CSTL1: variants seen among roughly 807,000 people sequenced by gnomAD.
CSTL1 encodes cystatin-like 1.
CSTL1 carries 14 observed loss-of-function variants against 14.4 expected under a neutral mutation model. That is an observed-to-expected ratio of 0.97 (90% CI 0.64 to 1.52). The LOEUF (loss-of-function observed/expected upper bound fraction) is 1.52, where lower values mean the gene tolerates loss of function less well. Among genes scored for constraint, CSTL1 ranks in the 40% most tolerant of loss-of-function variants. CSTL1 has a pLI of 0.00. For missense variants in CSTL1, 170 were observed against 168.7 expected (o/e 1.01, Z -0.04); for synonymous variants, 72 against 67.5 (o/e 1.07, Z -0.33).
rs1242537820 is a variant in CSTL1 at position 23,444,799 on chromosome 20, C to A, written c.359C>A (p.Thr120Asn). 6.2e-7 allele frequency: 1 copy of A among 1,613,396 alleles called. No individual in the cohort carries two copies. Among genetic ancestry groups the A allele is most frequent in the East Asian group, 2.2e-5 (1 of 44,890 alleles). ...KSLICESLIY[T>N]MPWINYFQLW... ...TTAATTTGCGAGTCTTTGATATACA[C>A]CATGCCCTGGATAAACTATTTCCAG... is the stretch of plus-strand genomic sequence containing the variant. Residue 120 changes from threonine to asparagine, a missense_variant, in exon 4 of 4, where the codon ACC (threonine) becomes AAC (asparagine). Thr to Asn is a moderately conservative substitution (Grantham distance 65). Coordinates refer to ENST00000347397, the MANE Select transcript of CSTL1 (RefSeq NM_138283.1).
At chr20:23,456,983 C>A in the CSTL1 span, among the ~76,000 whole-genome samples, 3 of 152,202 alleles carry the variant, frequency 2.0e-5, no homozygotes, top group African/African-American at 7.2e-5. Flanking sequence ...TTAATCACAT[C>A]TGCAAAGTCA....
In CSTL1 at chr20:23,443,566, TG is replaced by T. The variant is rs540421881; in HGVS notation, c.220-361del. Among the ~76,000 whole-genome samples the T allele has an allele frequency of 3.8e-4, 54 of 142,716 alleles. 1 individual carries two copies. The East Asian group carries it at 0.01, about 27-fold the overall frequency. 93.6% of individuals were successfully genotyped at this position (142,716 alleles called of 152,430 possible). On this transcript the variant is annotated intron_variant, in intron 2 of 3. Coordinates refer to ENST00000347397, the MANE Select transcript of CSTL1 (RefSeq NM_138283.1). ...AGACAGAGGAAATGGCAGAAGGGACTGGGGGGGTGGGGACAAGATGCTGGCT... is the reference window on the plus strand; with the variant it reads ...AGACAGAGGAAATGGCAGAAGGGACTGGGGGGTGGGGACAAGATGCTGGCT...
the CSTL1 span, chr20:23,457,705 C>G: frequency 6.6e-6 from 1 of 152,054 alleles, no homozygotes; most frequent in Non-Finnish European, 1.5e-5. Context: ...TTTTAAGAAC[C>G]CCTCTTCTAC....
chr20:23,452,566 G>A, the CSTL1 span: 365 of 1,507,728 alleles, frequency 2.4e-4, no homozygotes, highest in Middle Eastern at 2.2e-3. Flanking sequence ...GGGGAGAGGC[G>A]GGAAGTCATA....
At chr20:23,455,823 G>T in the CSTL1 span, among the ~76,000 whole-genome samples, 1 of 152,252 alleles carries the variant, frequency 6.6e-6, no homozygotes, top group Admixed American at 6.5e-5. Flanking sequence ...TGGCCCGTGG[G>T]TTCTCTTCCT....
At position 23,443,969 on chromosome 20, in the gene CSTL1, G is replaced by A. The variant is rs1473988799; in HGVS notation, c.255G>A (p.Lys85=). The change falls in exon 3 of 4, where the codon AAG becomes AAA. Residue 85 remains lysine, a synonymous_variant. Coordinates refer to ENST00000347397, the MANE Select transcript of CSTL1 (RefSeq NM_138283.1). ...GAGTGGAGTATATAGTCACTGTGAA[G>A]ATTGGCTGGACCAAATGCAAGAGGA... ...TTGVEYIVTV[K]IGWTKCKRND... is the part of the protein sequence containing the mutation. 1.2e-6 allele frequency: 2 copies of A among 1,614,176 alleles called. No individual in the cohort carries two copies. Among genetic ancestry groups the A allele is most frequent in the Non-Finnish European group, 1.7e-6 (2 of 1,179,984 alleles).
At chr20:23,444,135 A>G (rs992103187) in intron 3 of CSTL1, 91 bp downstream of exon 3, 17 of 1,144,736 alleles carry the variant, frequency 1.5e-5, no homozygotes, top group Non-Finnish European at 2.2e-5. Context: ...ACTTGTGTGG[A>G]TTGGGGCCAG....
rs573009828 is a variant in CSTL1, at chr20:23,443,083, T to C, written c.220-851T>C. Among the ~76,000 whole-genome samples the C allele has an allele frequency of 9.2e-5, 14 of 152,310 alleles. No homozygotes were observed. In the South Asian group the frequency reaches 2.3e-3, roughly 25 times the overall value. On this transcript the variant is annotated intron_variant, in intron 2 of 3. Coordinates refer to ENST00000347397, the MANE Select transcript of CSTL1 (RefSeq NM_138283.1). ...TTCTCCATGGCTCGTGTACCCACCA[T>C]GCCTCCTTCCTTCATTTCTGTACAC... is the stretch of plus-strand genomic sequence containing the variant.
chr20:23,458,152 T>A, the CSTL1 span, among the ~76,000 whole-genome samples: 1 of 152,184 alleles, frequency 6.6e-6, no homozygotes, highest in East Asian at 1.9e-4. Flanking sequence ...TACCAAGAGT[T>A]GGTTAAGATG....
chr20:23,450,719 A>G, the CSTL1 span: 1 of 551,434 alleles, frequency 1.8e-6, no homozygotes. Context: ...CTATTTGACC[A>G]CAAACAGAAG....
At chr20:23,455,615 T>G in the CSTL1 span, among the ~76,000 whole-genome samples, 1 of 152,362 alleles carries the variant, frequency 6.6e-6, no homozygotes, top group African/African-American at 2.4e-5. Context: ...TGTGCAGAAC[T>G]GGCAATGTTC....
intron 2 of CSTL1, 136 bp downstream of exon 2, chr20:23,440,622 G>A: frequency 1.3e-6 from 1 of 758,272 alleles, no homozygotes; most frequent in South Asian, 1.4e-5. Context: ...ATCTTCACTT[G>A]TAGCAGGTAC....
chr20:23,454,679 A>T, the CSTL1 span, among the ~76,000 whole-genome samples: 2 of 152,216 alleles, frequency 1.3e-5, no homozygotes, highest in African/African-American at 4.8e-5. Context: ...AAGCAGAAAA[A>T]GGTGAGAAGC....
chr20:23,452,948 C>T, the CSTL1 span: 13 of 644,346 alleles, frequency 2.0e-5, no homozygotes, highest in Non-Finnish European at 3.2e-5. Flanking sequence ...TCCTCCTCCT[C>T]CCCCTTCATC....
At chr20:23,445,906 G>A (rs949186372), downstream of CSTL1, among the ~76,000 whole-genome samples, 1 of 152,120 alleles carries the variant, frequency 6.6e-6, no homozygotes. Flanking sequence ...GAGAAAACCA[G>A]CCAGGAGCTT....
chr20:23,444,903 C>T lies in CSTL1; in HGVS notation c.*25C>T. The T allele has an allele frequency of 6.8e-7, 1 of 1,467,678 alleles. No homozygotes were observed. The allele number at this position is 1,467,678 out of a possible 1,614,324, so 90.9% of individuals were successfully genotyped here. ...AGGGCTCATATGATTGAGTTGTGCACTGGCTGTTATTAAACTGTAAAGGAT... is the reference window on the plus strand; with the variant it reads ...AGGGCTCATATGATTGAGTTGTGCATTGGCTGTTATTAAACTGTAAAGGAT... On this transcript the variant is annotated 3_prime_UTR_variant, in exon 4 of 4. Coordinates refer to ENST00000347397, the MANE Select transcript of CSTL1 (RefSeq NM_138283.1).
chr20:23,441,055 G>A (rs542715408), intron 2 of CSTL1, among the ~76,000 whole-genome samples: 9 of 152,262 alleles, frequency 5.9e-5, no homozygotes, highest in Admixed American at 1.3e-4. Context: ...TACCACGCCC[G>A]GCCAGCTCTT....
the CSTL1 span, among the ~76,000 whole-genome samples, chr20:23,455,057 G>A: frequency 2.0e-5 from 3 of 152,158 alleles, no homozygotes; most frequent in African/African-American, 7.2e-5. Flanking sequence ...GATGGCTGGA[G>A]CTCCAGCAGC....
At chr20:23,458,119 A>T in the CSTL1 span, among the ~76,000 whole-genome samples, 1 of 152,222 alleles carries the variant, frequency 6.6e-6, no homozygotes, top group Admixed American at 6.5e-5. Flanking sequence ...TCCAAAAAAA[A>T]ATCTTTCTGA....
Sources: gnomAD v4.1 joint callset for allele counts (sites outside exome capture counted in the v4.1 genomes callset) on GRCh38, gnomAD v4.1.1 for gene constraint, MANE v1.5 for transcripts, NCBI Gene and HGNC (gene_info 2026-07-23, HGNC 2026-07-21) for gene names.